The following BLTP1 variants were observed in gnomAD, a reference collection of about 807,000 sequenced individuals.
BLTP1 encodes the protein bridge-like lipid transfer protein family member 1, also known as fragile site-associated protein.
the BLTP1 span, chr4:122,229,061 A>C: frequency 1.5e-6 from 2 of 1,370,676 alleles, no homozygotes; most frequent in Non-Finnish European, 1.9e-6. Context: ...AAGATGACTT[A>C]AGTATCAAAA....
chr4:122,310,793 C>T, the BLTP1 span: 1 of 213,018 alleles, frequency 4.7e-6, no homozygotes, highest in Admixed American at 6.5e-5. Context: ...GCAGTGTGTA[C>T]TAAACCCCAT....
At chr4:122,240,231 G>A in the BLTP1 span, 2 of 1,614,140 alleles carry the variant, frequency 1.2e-6, no homozygotes, top group Admixed American at 3.3e-5. Flanking sequence ...TAATTGGTCA[G>A]TTAAGCACCC....
the BLTP1 span, chr4:122,228,979 T>C: frequency 1.8e-5 from 12 of 669,224 alleles, no homozygotes; most frequent in Non-Finnish European, 2.6e-5. Flanking sequence ...TCATTTATTA[T>C]TATAAAAGAA....
chr4:122,226,395 A>C, the BLTP1 span: 1 of 1,068,686 alleles, frequency 9.4e-7, no homozygotes, highest in Non-Finnish European at 1.1e-6. Flanking sequence ...AGTTAGCTAT[A>C]TAAGAGGGAA....
the BLTP1 span, chr4:122,244,124 A>G: frequency 1.5e-6 from 2 of 1,309,840 alleles, no homozygotes; most frequent in Non-Finnish European, 2.0e-6. Flanking sequence ...AAGATTGTTG[A>G]TAGTTATAAG....
At chr4:122,284,757 C>T in the BLTP1 span, among the ~76,000 whole-genome samples, 1 of 152,050 alleles carries the variant, frequency 6.6e-6, no homozygotes, top group African/African-American at 2.4e-5. Flanking sequence ...ATTTTGTTAT[C>T]GTTGTTATTA....
the BLTP1 span, chr4:122,153,942 C>T: frequency 1.1e-6 from 1 of 948,004 alleles, no homozygotes; most frequent in South Asian, 4.9e-5. Flanking sequence ...GATTAAGTAA[C>T]GAAATCATAT....
At chr4:122,162,807 C>A in the BLTP1 span, 2 of 261,484 alleles carry the variant, frequency 7.6e-6, no homozygotes, top group Non-Finnish European at 1.2e-5. Context: ...ATGAACTTGA[C>A]TCATACTTTA....
At chr4:122,324,299 T>A in the BLTP1 span, 1 of 915,572 alleles carries the variant, frequency 1.1e-6, no homozygotes, top group Non-Finnish European at 1.5e-6. Context: ...TTGACTCATA[T>A]TGTTAAGTAA....
At chr4:122,306,190 T>G in the BLTP1 span, 3 of 744,846 alleles carry the variant, frequency 4.0e-6, no homozygotes, top group Non-Finnish European at 6.0e-6. Context: ...AAAAAAAATC[T>G]TGCTTTTTGC....
the BLTP1 span, among the ~76,000 whole-genome samples, chr4:122,316,145 A>AT: frequency 6.6e-6 from 1 of 152,188 alleles, no homozygotes; most frequent in South Asian, 2.1e-4. Flanking sequence ...GAAATGATAC[A>AT]TTTTAAAAAT....
the BLTP1 span, chr4:122,198,400 T>C: frequency 6.1e-6 from 6 of 985,370 alleles, no homozygotes; most frequent in Non-Finnish European, 7.2e-6. Context: ...CTTTTACAGG[T>C]GTATGATGGG....
At chr4:122,204,809 A>G in the BLTP1 span, 1 of 806,962 alleles carries the variant, frequency 1.2e-6, no homozygotes, top group Non-Finnish European at 1.5e-6. Context: ...GAGTCAGCCT[A>G]GTTAGGTAGG....
At chr4:122,169,492 C>A in the BLTP1 span, 1 of 335,536 alleles carries the variant, frequency 3.0e-6, no homozygotes, top group Non-Finnish European at 4.2e-6. Context: ...TTTTTTTGCT[C>A]TTTCTGGTTT....
the BLTP1 span, among the ~76,000 whole-genome samples, chr4:122,320,001 G>A: frequency 6.6e-6 from 1 of 152,130 alleles, no homozygotes; most frequent in Admixed American, 6.6e-5. Context: ...CTGATGATAT[G>A]TTGAGTTCAA....
At chr4:122,205,921 G>C in the BLTP1 span, 1 of 983,836 alleles carries the variant, frequency 1.0e-6, no homozygotes, top group Non-Finnish European at 1.2e-6. Context: ...ATTGCTGGGA[G>C]TGTACAATGC....
chr4:122,242,549 A>C, the BLTP1 span, among the ~76,000 whole-genome samples: 340 of 152,288 alleles, frequency 2.2e-3, 1 homozygote, highest in African/African-American at 7.9e-3. Flanking sequence ...GCATTTGTAA[A>C]GGTTCAATTT....
At chr4:122,297,025 T>TTTCA in the BLTP1 span, among the ~76,000 whole-genome samples, 2 of 152,138 alleles carry the variant, frequency 1.3e-5, no homozygotes, top group East Asian at 3.8e-4. Context: ...GATTTCATGA[T>TTTCA]GCAAACTCCA....
chr4:122,350,091 A>G, the BLTP1 span: 2 of 1,609,652 alleles, frequency 1.2e-6, no homozygotes, highest in African/African-American at 1.3e-5. Flanking sequence ...ATTAGAAGTA[A>G]GCTTTTATAT....
Sources: allele counts gnomAD v4.1 joint callset (sites outside exome capture counted in the v4.1 genomes callset), GRCh38; gene constraint gnomAD v4.1.1; transcripts MANE v1.5; gene names NCBI Gene and HGNC (gene_info 2026-07-23, HGNC 2026-07-21).